The following PCLO variants were observed in gnomAD, a reference collection of about 807,000 sequenced individuals.
PCLO encodes protein piccolo.
PCLO carries 82 observed loss-of-function variants against 427.5 expected under a neutral mutation model. That is an observed-to-expected ratio of 0.19 (90% CI 0.16 to 0.23). The LOEUF (loss-of-function observed/expected upper bound fraction) is 0.23. PCLO is among the 10% of genes least tolerant of loss of function. The pLI, the probability that PCLO is intolerant of heterozygous loss-of-function variation, is 1.00. For synonymous variants in PCLO, 2,357 were observed against 2,155.4 expected (o/e 1.09, Z -2.59); for missense variants, 6,239 against 6,115.9 (o/e 1.02, Z -0.67).
chr7:82,831,312 A>T (rs952125605), intron 16 of PCLO, among the ~76,000 whole-genome samples: 4 of 152,112 alleles, frequency 2.6e-5, no homozygotes, highest in Non-Finnish European at 5.9e-5. Flanking sequence ...TATGAACTCA[A>T]TTGATTAGGC....
In PCLO at chr7:82,949,762, G is replaced by A. The variant is rs1795288742; in HGVS notation, c.10826C>T (p.Thr3609Ile). The A allele has an allele frequency of 1.2e-6, 2 of 1,613,820 alleles. No individual in the cohort carries two copies. Among genetic ancestry groups the A allele is most frequent in the Non-Finnish European group, 1.7e-6 (2 of 1,179,844 alleles). Residue 3609 changes from threonine to isoleucine, a missense_variant, in exon 6 of 25, where the codon ACA becomes ATA. Physicochemically the swap from Thr to Ile is moderately conservative, Grantham distance 89 (BLOSUM62 -1). Around this residue, in one of 5 missense-constraint regions of PCLO, gnomAD observed 4,677 missense variants for 4,468.4 expected, o/e 1.05. Coordinates refer to ENST00000333891, the MANE Select transcript of PCLO (RefSeq NM_033026.6). Reference protein sequence around the residue: ...GYSSHLRADSTVQLAPSPPKS... With the variant: ...GYSSHLRADSIVQLAPSPPKS... The stretch of plus-strand genomic sequence containing the variant: ...GGGTGGGGAAGGAGCCAGCTGTACT[G>A]TGGAATCTGCCCGGAGGTGAGATGA...
At chr7:83,141,806 T>A (rs1238776866) in intron 2 of PCLO, among the ~76,000 whole-genome samples, 2 of 152,172 alleles carry the variant, frequency 1.3e-5, no homozygotes, top group Non-Finnish European at 2.9e-5. Context: ...ATAAAGAGTA[T>A]CAATTAATGG....
chr7:82,955,057 T>C lies in PCLO; in HGVS notation c.5896A>G (p.Asn1966Asp). 1.2e-6 allele frequency: 2 copies of C among 1,613,854 alleles called. No individual in the cohort carries two copies. The highest frequency in any genetic ancestry group is 8.5e-7 in the Non-Finnish European group (1 of 1,179,888). ...IYESLVEDTY[N>D]GSVDGSLLTR... Reference sequence around the variant, plus strand: ...AGCAGACTGCCATCTACCGATCCATTGTACGTGTCTTCTACTAAAGATTCA... The same window carrying C: ...AGCAGACTGCCATCTACCGATCCATCGTACGTGTCTTCTACTAAAGATTCA... Residue 1966 changes from asparagine (N) to aspartate (D), a missense_variant, in exon 5 of 25, where the codon AAT (asparagine) becomes GAT (aspartate). By Grantham distance (23) the Asn-to-Asp change is conservative. Coordinates refer to ENST00000333891, the MANE Select transcript of PCLO (RefSeq NM_033026.6).
chr7:82,802,133 A>G (rs1249048736), intron 21 of PCLO, among the ~76,000 whole-genome samples: 1 of 151,764 alleles, frequency 6.6e-6, no homozygotes, highest in Non-Finnish European at 1.5e-5. Flanking sequence ...TTTTGTAGTC[A>G]GGCTGCTTGG....
intron 3 of PCLO, among the ~76,000 whole-genome samples, chr7:83,091,395 T>C (rs1445117588): frequency 6.6e-6 from 1 of 152,286 alleles, no homozygotes; most frequent in East Asian, 1.9e-4. Flanking sequence ...GTCAGTACTT[T>C]GACACTTCTG....
chr7:82,952,593 G>GGAGTCAC lies in PCLO; in HGVS notation c.8353_8359dup (p.Pro2787ArgfsTer9). The GGAGTCAC allele has an allele frequency of 6.2e-7, 1 of 1,613,946 alleles. No individual in the cohort carries two copies. Among genetic ancestry groups the GGAGTCAC allele is most frequent in the Non-Finnish European group, 8.5e-7 (1 of 1,179,842 alleles). ...CACTGTCTCAGTGGCCAGAGATACAGGAGTCACTATTGATGATGTCACACT... is the reference window on the plus strand; with the variant it reads ...CACTGTCTCAGTGGCCAGAGATACAGGAGTCACGAGTCACTATTGATGATGTCACACT... On this transcript the variant is annotated frameshift_variant, in exon 5 of 25. Coordinates refer to ENST00000333891, the MANE Select transcript of PCLO (RefSeq NM_033026.6). LOFTEE classifies it high-confidence loss of function.
intron 20 of PCLO, among the ~76,000 whole-genome samples, chr7:82,815,511 A>C (rs1219307296): frequency 6.6e-6 from 1 of 152,118 alleles, no homozygotes; most frequent in Admixed American, 6.6e-5. Flanking sequence ...TTTTTATAAA[A>C]AGAATCAGAT....
At chr7:82,923,417 A>G (rs979164898) in intron 6 of PCLO, among the ~76,000 whole-genome samples, 12 of 152,214 alleles carry the variant, frequency 7.9e-5, no homozygotes, top group African/African-American at 2.9e-4. Context: ...AGCAAACTAC[A>G]TATTAAAATC....
intron 3 of PCLO, among the ~76,000 whole-genome samples, chr7:83,036,756 TCTG>T (rs1192911362): frequency 2.0e-5 from 3 of 152,086 alleles, no homozygotes; most frequent in Non-Finnish European, 4.4e-5. Context: ...TGTTATAATG[TCTG>T]CAAATTATTA....
intron 3 of PCLO, among the ~76,000 whole-genome samples, chr7:83,058,422 A>G (rs575548594): frequency 2.6e-5 from 4 of 152,326 alleles, no homozygotes; most frequent in African/African-American, 7.2e-5. Context: ...GACAAAAACC[A>G]TAAAAGAATC....
At chr7:82,829,216 G>A (rs1419617186) in intron 16 of PCLO, among the ~76,000 whole-genome samples, 6 of 152,100 alleles carry the variant, frequency 3.9e-5, no homozygotes, top group Non-Finnish European at 8.8e-5. Context: ...TTACCAGTCA[G>A]ATACAAGGGA....
At chr7:82,930,242 C>G (rs980247939) in intron 6 of PCLO, among the ~76,000 whole-genome samples, 1 of 152,030 alleles carries the variant, frequency 6.6e-6, no homozygotes, top group Non-Finnish European at 1.5e-5. Context: ...CACAAGTACA[C>G]GTATGTCCCA....
chr7:82,832,144 G>T (rs966849500), intron 16 of PCLO, among the ~76,000 whole-genome samples: 5 of 152,136 alleles, frequency 3.3e-5, no homozygotes, highest in African/African-American at 4.8e-5. Flanking sequence ...AATAATTAAA[G>T]AAGTTTATTA....
chr7:82,805,244 T>C (rs2129468804), intron 21 of PCLO, among the ~76,000 whole-genome samples: 1 of 152,332 alleles, frequency 6.6e-6, no homozygotes, highest in South Asian at 2.1e-4. Context: ...GAAAAGTCTG[T>C]ATGATTATTC....
chr7:82,952,385 A>G lies in PCLO; in HGVS notation c.8568T>C (p.Ser2856=). 6.2e-7 allele frequency: 1 copy of G among 1,613,890 alleles called. No homozygotes were observed. The highest frequency in any genetic ancestry group is 8.5e-7 in the Non-Finnish European group (1 of 1,179,832). Residue 2856 remains serine (S), a synonymous_variant, in exon 5 of 25, where the codon TCT becomes TCC. Transcript: ENST00000333891. ...TCACTGCATGTGCTGGAGTACCTAG[A>G]GATAAGTTTATTGGTGCTTCTTCCC... ...IAREEAPINL[S]LGTPAHAVTL...
intron 3 of PCLO, among the ~76,000 whole-genome samples, chr7:83,112,480 A>G (rs73180535): frequency 0.018 from 2,768 of 152,322 alleles, 40 homozygotes; most frequent in Non-Finnish European, 0.027. Context: ...GATATACAAA[A>G]GAATGAATAA....
chr7:82,940,441 G>T (rs1289896925), intron 6 of PCLO, among the ~76,000 whole-genome samples: 1 of 152,106 alleles, frequency 6.6e-6, no homozygotes, highest in African/African-American at 2.4e-5. Context: ...CAGAAATTTA[G>T]ATTTGATCCA....
intron 10 of PCLO, among the ~76,000 whole-genome samples, chr7:82,855,381 G>A: frequency 6.6e-6 from 1 of 152,054 alleles, no homozygotes; most frequent in Non-Finnish European, 1.5e-5. Flanking sequence ...CTAGGCCAAT[G>A]CATGTATCAG....
intron 3 of PCLO, among the ~76,000 whole-genome samples, chr7:82,984,986 A>G (rs903673030): frequency 6.6e-6 from 1 of 152,054 alleles, no homozygotes; most frequent in Non-Finnish European, 1.5e-5. Context: ...TTGAAAGAAT[A>G]TTACAATTAC....
Sources: gnomAD v4.1 joint callset for allele counts (sites outside exome capture counted in the v4.1 genomes callset) on GRCh38, gnomAD v4.1.1 for gene constraint, gnomAD v4.1.1 regional missense constraint, MANE v1.5 for transcripts, NCBI Gene and HGNC (gene_info 2026-07-23, HGNC 2026-07-21) for gene names.